Variants in TBC1D4 observed in about 807,000 individuals in gnomAD.
TBC1D4 encodes TBC1 domain family member 4.
In TBC1D4, 121 loss-of-function variants were observed where a neutral mutation model predicts 142.5. That is an observed-to-expected ratio of 0.85 (90% CI 0.73 to 0.99). TBC1D4 has a LOEUF of 0.99. Ranked by LOEUF, TBC1D4 falls within the 50% of genes least tolerant of loss-of-function variation. The pLI is 0.00. For missense variants in TBC1D4, 1,475 were observed against 1,606.6 expected, an observed-to-expected ratio of 0.92 and a Z score of 1.40; for synonymous variants, 630 against 628.2, an observed-to-expected ratio of 1.00 and a Z score of -0.04.
intron 1 of TBC1D4, chr13:75,375,773 C>CCCCCAAA (rs61021889): frequency 2.2e-5 from 3 of 133,734 alleles, no homozygotes; most frequent in African/African-American, 5.9e-5. Flanking sequence ...CCCACCCCCC[C>CCCCCAAA]CACACACACA....
intron 7 of TBC1D4, among the ~76,000 whole-genome samples, chr13:75,338,838 C>T (rs1372415825): frequency 4.6e-5 from 7 of 152,124 alleles, no homozygotes; most frequent in Non-Finnish European, 5.9e-5. Flanking sequence ...CTTTATTTCC[C>T]GGCTCTGTTT....
chr13:75,371,272 G>A (rs987233423), intron 1 of TBC1D4, among the ~76,000 whole-genome samples: 3 of 152,176 alleles, frequency 2.0e-5, no homozygotes, highest in African/African-American at 7.2e-5. Flanking sequence ...TGGAAGAAAT[G>A]ACAGCTTCCA....
chr13:75,358,537 T>C (rs1006405997), intron 3 of TBC1D4, among the ~76,000 whole-genome samples: 4 of 152,134 alleles, frequency 2.6e-5, no homozygotes, highest in Admixed American at 6.5e-5. Flanking sequence ...TAGCTGAGAC[T>C]GAGGCAAACA....
chr13:75,348,464 TG>T (rs1189461894), intron 5 of TBC1D4, among the ~76,000 whole-genome samples: 1 of 152,230 alleles, frequency 6.6e-6, no homozygotes, highest in Non-Finnish European at 1.5e-5. Context: ...CCTAGCACAT[TG>T]CCTGGTCCAG....
At chr13:75,439,409 C>A (rs1159700595) in intron 1 of TBC1D4, among the ~76,000 whole-genome samples, 3 of 152,130 alleles carry the variant, frequency 2.0e-5, no homozygotes, top group Non-Finnish European at 4.4e-5. Flanking sequence ...AACTTGTGTT[C>A]TTTCTCTAAT....
At chr13:75,475,936 A>G (rs1888613572) in intron 1 of TBC1D4, among the ~76,000 whole-genome samples, 1 of 152,138 alleles carries the variant, frequency 6.6e-6, no homozygotes, top group Admixed American at 6.6e-5. Context: ...ACCCAAGTCT[A>G]AGTATAAAAT....
At chr13:75,443,977 GAAA>G (rs11287723) in intron 1 of TBC1D4, among the ~76,000 whole-genome samples, 1 of 147,934 alleles carries the variant, frequency 6.8e-6, no homozygotes. Flanking sequence ...ATATCCATCT[GAAA>G]AAAAAAAAAG....
At chr13:75,341,624 C>G in intron 5 of TBC1D4, 37 bp from the exon 6 acceptor site, 1 of 1,529,562 alleles carries the variant, frequency 6.5e-7, no homozygotes, top group Non-Finnish European at 9.1e-7. Context: ...TAAACAGAGT[C>G]TAGCAGCAGA....
At chr13:75,315,751 C>G (rs1878263927) in intron 12 of TBC1D4, among the ~76,000 whole-genome samples, 1 of 152,016 alleles carries the variant, frequency 6.6e-6, no homozygotes, top group Non-Finnish European at 1.5e-5. Flanking sequence ...AAAATACTGG[C>G]TAGGCTAACA....
At chr13:75,385,922 T>G (rs901414596) in intron 1 of TBC1D4, among the ~76,000 whole-genome samples, 1 of 152,208 alleles carries the variant, frequency 6.6e-6, no homozygotes, top group African/African-American at 2.4e-5. Context: ...GAACAGAAAC[T>G]AGACATCAAA....
chr13:75,473,523 TG>T (rs1888503297), intron 1 of TBC1D4, among the ~76,000 whole-genome samples: 2 of 152,228 alleles, frequency 1.3e-5, no homozygotes, highest in Non-Finnish European at 2.9e-5. Flanking sequence ...TTTTAAAATT[TG>T]TGTGAAAATT....
At chr13:75,326,649 T>C (rs1354714899) in intron 9 of TBC1D4, among the ~76,000 whole-genome samples, 2 of 152,170 alleles carry the variant, frequency 1.3e-5, no homozygotes, top group Admixed American at 6.5e-5. Context: ...AACCCACTTA[T>C]CTTTGGATAA....
In TBC1D4 at chr13:75,302,112, A is replaced by G. The variant is rs1876626636; in HGVS notation, c.2911+131T>C. On this transcript the variant is annotated intron_variant, in intron 16 of 20. Transcript: ENST00000377636. ...AAGGCCAACTTGCCCTCAGTAAAGGACAAAGTCAACGGCTCTGCATATGCC... is the reference window on the plus strand; with the variant it reads ...AAGGCCAACTTGCCCTCAGTAAAGGGCAAAGTCAACGGCTCTGCATATGCC... 16 of 1,114,116 alleles carry G rather than the reference A, an allele frequency of 1.4e-5. 1 individual carries two copies. In the South Asian group the frequency reaches 2.1e-4, roughly 15 times the overall value. 69.0% of individuals were successfully genotyped at this position (1,114,116 alleles called of 1,614,324 possible).
intron 15 of TBC1D4, 76 bp from the exon 16 acceptor site, chr13:75,302,477 T>A: frequency 6.4e-7 from 1 of 1,564,466 alleles, no homozygotes; most frequent in South Asian, 1.1e-5. Context: ...ATTCACTATA[T>A]AATTCTGGTA....
At chr13:75,412,488 T>C (rs553076720) in intron 1 of TBC1D4, among the ~76,000 whole-genome samples, 46 of 152,156 alleles carry the variant, frequency 3.0e-4, no homozygotes, top group African/African-American at 1.1e-3. Flanking sequence ...TTATTTTTAA[T>C]GAAGACAAGG....
chr13:75,457,861 G>A (rs1028907162), intron 1 of TBC1D4, among the ~76,000 whole-genome samples: 6 of 152,254 alleles, frequency 3.9e-5, no homozygotes, highest in African/African-American at 1.4e-4. Flanking sequence ...TCTTACAACA[G>A]GGGTGTGACT....
intron 1 of TBC1D4, among the ~76,000 whole-genome samples, chr13:75,425,280 CACA>C (rs1566481293): frequency 6.6e-6 from 1 of 151,864 alleles, no homozygotes; most frequent in Admixed American, 6.6e-5. Flanking sequence ...AAATTAAAAC[CACA>C]ACGCCTCACA....
At position 75,286,596 on chromosome 13, in the gene TBC1D4, C is replaced by T. The variant is rs1874691215; in HGVS notation, c.*196G>A. 1.7e-6 allele frequency: 1 copy of T among 588,600 alleles called. No homozygotes were observed. The highest frequency in any genetic ancestry group is 3.0e-6 in the Non-Finnish European group (1 of 330,812). The allele number at this position is 588,600 out of a possible 1,614,324, so 36.5% of individuals were successfully genotyped here. On this transcript the variant is annotated 3_prime_UTR_variant, in exon 21 of 21. Transcript: ENST00000377636. ...ATATGTACATAGCAACAACAAAAAC[C>T]AGTCTACATATGTCCAATGGCTTAG...
At chr13:75,479,591 C>T (rs530369764) in intron 1 of TBC1D4, among the ~76,000 whole-genome samples, 1 of 151,768 alleles carries the variant, frequency 6.6e-6, no homozygotes, top group Non-Finnish European at 1.5e-5. Flanking sequence ...CATCAGATGT[C>T]GCTGGGGGGA....
Sources: gnomAD v4.1 joint callset for allele counts (sites outside exome capture counted in the v4.1 genomes callset) on GRCh38, gnomAD v4.1.1 for gene constraint, MANE v1.5 for transcripts, NCBI Gene and HGNC (gene_info 2026-07-23, HGNC 2026-07-21) for gene names.